PUDP: variants seen among roughly 807,000 people sequenced by gnomAD.
The protein encoded by PUDP is pseudouridine 5'-phosphatase, also known as pseudouridine-5'-phosphatase.
In PUDP, 8 loss-of-function variants were observed where a neutral mutation model predicts 9.4. The observed-to-expected ratio is 0.85, with a 90% CI of 0.50 to 1.53. PUDP has a LOEUF of 1.53. Ranked by LOEUF, PUDP falls within the 40% of genes most tolerant of loss-of-function variation. PUDP has a pLI of 0.00. For missense variants in PUDP, 188 were observed against 189.7 expected (o/e 0.99, Z 0.05); for synonymous variants, 99 against 80.7 (o/e 1.23, Z -1.22).
rs145415005 is a variant in PUDP, at chrX:6,852,326, C to A, written c.*247+124807G>T. 6.3e-3 allele frequency among the ~76,000 whole-genome samples: 712 copies of A among 112,287 alleles called. 7 individuals are homozygous for A. The highest frequency in any genetic ancestry group is 0.022 in the African/African-American group (668 of 30,931). On this transcript the variant is annotated intron_variant and NMD_transcript_variant, in intron 3 of 3. Coordinates refer to the PUDP transcript ENST00000655425. ...CAGGGTAAGATCAACTTTGCAAGGCCAATCGGGCTGATGCATACTCAGCAT... is the reference window on the plus strand; with the variant it reads ...CAGGGTAAGATCAACTTTGCAAGGCAAATCGGGCTGATGCATACTCAGCAT...
At chrX:6,776,359 C>T (rs892380105) in intron 3 of PUDP, among the ~76,000 whole-genome samples, 2 of 109,192 alleles carry the variant, frequency 1.8e-5, no homozygotes, top group South Asian at 4.1e-4. Flanking sequence ...TGGCAAAACC[C>T]GATCTCCACT....
intron 1 of PUDP, among the ~76,000 whole-genome samples, chrX:7,126,363 C>T (rs1307688540): frequency 4.5e-5 from 5 of 111,844 alleles, no homozygotes; most frequent in Non-Finnish European, 1.9e-5. Context: ...AAGGTCTGCC[C>T]AGAAATTCAG....
intron 1 of PUDP, among the ~76,000 whole-genome samples, chrX:7,006,490 T>C (rs1276800797): frequency 1.8e-5 from 2 of 111,929 alleles, no homozygotes; most frequent in Non-Finnish European, 3.8e-5. Context: ...TAAATCTTCT[T>C]TGGAGAAATG....
chrX:6,894,796 G>T (rs990915162), intron 3 of PUDP, among the ~76,000 whole-genome samples: 3 of 111,938 alleles, frequency 2.7e-5, no homozygotes, highest in African/African-American at 9.7e-5. Context: ...CCCCAAACCA[G>T]GGAATCAGTC....
intron 3 of PUDP, among the ~76,000 whole-genome samples, chrX:6,958,767 G>C (rs1274325837): frequency 1.0e-5 from 1 of 95,818 alleles, no homozygotes; most frequent in African/African-American, 3.9e-5. Context: ...AAAAAAAAAA[G>C]AGAAAAGGTC....
intron 3 of PUDP, among the ~76,000 whole-genome samples, chrX:6,877,997 G>A (rs983921082): frequency 8.9e-6 from 1 of 112,054 alleles, no homozygotes; most frequent in Non-Finnish European, 1.9e-5. Context: ...TTTTTCTCTA[G>A]TTAGAAACTG....
chrX:6,937,568 A>G (rs1928325943), intron 3 of PUDP, among the ~76,000 whole-genome samples: 1 of 103,976 alleles, frequency 9.6e-6, no homozygotes, highest in Non-Finnish European at 2.0e-5. Flanking sequence ...GGACATAGGC[A>G]TGGGCAAGGA....
At chrX:7,079,919 TAAGA>T (rs1481294101) in intron 2 of PUDP, among the ~76,000 whole-genome samples, 1 of 111,684 alleles carries the variant, frequency 9.0e-6, no homozygotes, top group Non-Finnish European at 1.9e-5. Flanking sequence ...GCTTTTACCT[TAAGA>T]AAGTGAAGGA....
chrX:6,759,774 C>T (rs1602609342), intron 3 of PUDP, among the ~76,000 whole-genome samples: 1 of 111,948 alleles, frequency 8.9e-6, no homozygotes, highest in Non-Finnish European at 1.9e-5. Context: ...ATGCAACATA[C>T]TCTCATGAAT....
chrX:6,906,292 CA>C (rs1226324163), intron 3 of PUDP, among the ~76,000 whole-genome samples: 1 of 110,720 alleles, frequency 9.0e-6, no homozygotes, highest in Non-Finnish European at 1.9e-5. Flanking sequence ...ACAACAGGCA[CA>C]AGTTTCCAAT....
chrX:7,006,139 G>A (rs772065135), intron 1 of PUDP, among the ~76,000 whole-genome samples: 1 of 112,039 alleles, frequency 8.9e-6, no homozygotes, highest in African/African-American at 3.3e-5. Flanking sequence ...TGCCATAAAC[G>A]TTGAGGTACC....
In PUDP at chrX:6,950,572, G is replaced by A. The variant is rs1411638191; in HGVS notation, c.*247+26561C>T. On this transcript the variant is annotated intron_variant and NMD_transcript_variant, in intron 3 of 3. Transcript: ENST00000655425. The stretch of plus-strand genomic sequence containing the variant: ...ACTACAGGCACCCACCACCACTCCC[G>A]GCTAATTTTTTGTATTTTTAGTGTA... 5.8e-5 allele frequency among the ~76,000 whole-genome samples: 6 copies of A among 103,799 alleles called. No individual in the cohort carries two copies. The South Asian group carries it at 1.4e-3, about 25-fold the overall frequency. The allele number at this position is 103,799 out of a possible 115,157, so 90.1% of individuals were successfully genotyped here. A position where few individuals can be genotyped will look rare whatever the true frequency, so the allele number is the denominator to read the frequency against.
chrX:6,835,879 T>TG (rs1926573984), intron 3 of PUDP, among the ~76,000 whole-genome samples: 1 of 108,823 alleles, frequency 9.2e-6, no homozygotes. Flanking sequence ...CTGGCTTTTT[T>TG]TTTTTTATTT....
downstream of PUDP, among the ~76,000 whole-genome samples, chrX:7,044,806 TACTA>T (rs1444176160): frequency 8.8e-6 from 1 of 113,053 alleles, no homozygotes; most frequent in Non-Finnish European, 1.9e-5. Context: ...GAATACTTTA[TACTA>T]ACTGTTTCCT....
chrX:6,880,756 A>G (rs1219418800), intron 3 of PUDP, among the ~76,000 whole-genome samples: 6 of 111,702 alleles, frequency 5.4e-5, no homozygotes, highest in East Asian at 2.8e-4. Flanking sequence ...ATAACACAGG[A>G]CTGTGTTATT....
In PUDP at chrX:7,077,237, G is replaced by C. The variant is rs3747386; in HGVS notation, c.493C>G (p.Pro165Ala). The C allele has an allele frequency of 5.8e-4, 696 of 1,194,077 alleles. 6 individuals carry two copies. In the East Asian group the frequency reaches 0.02, roughly 35 times the overall value. ...FLACAKRFSP[P>A]PAMEKCLVFE... ...CCACTTACCTTCTCCATAGCAGGAG[G>C]GGGAGAGAACCTCTTGGCACAAGCT... The change falls in exon 3 of 4, where the codon CCT becomes GCT. Residue 165 changes from proline to alanine, a missense_variant. By Grantham distance (27) the Pro-to-Ala change is conservative (BLOSUM62 -1). Coordinates refer to ENST00000381077, the MANE Select transcript of PUDP (RefSeq NM_012080.5).
At chrX:6,770,487 TTTTTTG>T (rs763373290) in intron 3 of PUDP, among the ~76,000 whole-genome samples, 300 of 112,139 alleles carry the variant, frequency 2.7e-3, no homozygotes, top group Non-Finnish European at 4.6e-3. Flanking sequence ...TTTTTGTTTG[TTTTTTG>T]TTTTTGTTTT....
intron 1 of PUDP, among the ~76,000 whole-genome samples, chrX:7,129,582 T>A (rs1602826883): frequency 1.8e-5 from 2 of 112,156 alleles, no homozygotes; most frequent in Admixed American, 1.9e-4. Context: ...AGCATTCTCA[T>A]ACCTGAGGGG....
At chrX:7,085,195 C>T (rs188349865) in intron 2 of PUDP, 3 of 112,507 alleles carry the variant, frequency 2.7e-5, no homozygotes, top group Non-Finnish European at 5.6e-5. Context: ...GTTCCTTGAG[C>T]GAGCTGAAAG....
Sources: gnomAD v4.1 joint callset for allele counts (sites outside exome capture counted in the v4.1 genomes callset) on GRCh38, gnomAD v4.1.1 for gene constraint, MANE v1.5 for transcripts, NCBI Gene and HGNC (gene_info 2026-07-23, HGNC 2026-07-21) for gene names.